Variants in FTCDNL1 observed in about 807,000 individuals in gnomAD.
FTCDNL1 encodes the protein formiminotransferase N-terminal subdomain-containing protein.
FTCDNL1 carries 11 observed loss-of-function variants against 5.9 expected under a neutral mutation model. The observed-to-expected ratio is 1.87, with a 90% CI of 1.18 to 3.10. The LOEUF (loss-of-function observed/expected upper bound fraction) is 3.10, where lower values mean the gene tolerates loss of function less well. Among genes scored for constraint, FTCDNL1 ranks in the 30% most tolerant of loss-of-function variants. The pLI, the probability that FTCDNL1 is intolerant of heterozygous loss-of-function variation, is 0.00. For synonymous variants in FTCDNL1, 58 were observed against 24.8 expected (o/e 2.34, Z -3.99); for missense variants, 115 against 65.5 (o/e 1.76, Z -2.61).
the FTCDNL1 span, among the ~76,000 whole-genome samples, chr2:199,712,641 C>T: frequency 6.6e-6 from 1 of 152,196 alleles, no homozygotes; most frequent in Non-Finnish European, 1.5e-5. Flanking sequence ...AGAAGCCTTA[C>T]ATCAAGGGGG....
the FTCDNL1 span, among the ~76,000 whole-genome samples, chr2:199,676,606 A>G: frequency 2.0e-5 from 3 of 152,022 alleles, no homozygotes; most frequent in African/African-American, 7.2e-5. Flanking sequence ...CACAAAAAAT[A>G]AAATTGATGA....
chr2:199,769,068 C>T (rs1698678102), intron 3 of FTCDNL1, among the ~76,000 whole-genome samples: 1 of 152,174 alleles, frequency 6.6e-6, no homozygotes, highest in Non-Finnish European at 1.5e-5. Flanking sequence ...TTGCAAGACT[C>T]TACCAAGAGA....
intron 3 of FTCDNL1, among the ~76,000 whole-genome samples, chr2:199,771,753 A>G (rs2106289542): frequency 6.6e-6 from 1 of 152,290 alleles, no homozygotes; most frequent in Non-Finnish European, 1.5e-5. Flanking sequence ...TCTTGTAGAG[A>G]ACTGGCGTTG....
At chr2:199,721,332 C>T in the FTCDNL1 span, among the ~76,000 whole-genome samples, 1 of 152,146 alleles carries the variant, frequency 6.6e-6, no homozygotes, top group Non-Finnish European at 1.5e-5. Flanking sequence ...CATGTAGTCT[C>T]ATTATTCAGC....
chr2:199,698,904 A>G, the FTCDNL1 span, among the ~76,000 whole-genome samples: 1 of 152,182 alleles, frequency 6.6e-6, no homozygotes, highest in Non-Finnish European at 1.5e-5. Context: ...AGATGATCCA[A>G]ATAAACACAA....
intron 3 of FTCDNL1, among the ~76,000 whole-genome samples, chr2:199,827,349 G>A (rs1396803824): frequency 1.3e-5 from 2 of 152,122 alleles, no homozygotes; most frequent in African/African-American, 4.8e-5. Context: ...CAGGGAGACT[G>A]GTGTAGATCA....
intron 3 of FTCDNL1, among the ~76,000 whole-genome samples, chr2:199,783,390 C>T (rs556053596): frequency 1.3e-5 from 2 of 152,248 alleles, no homozygotes; most frequent in East Asian, 3.9e-4. Flanking sequence ...TTTAATGACA[C>T]CAATGTTAAT....
rs531650944 is a variant in FTCDNL1, at chr2:199,792,545, C to T, written c.212-31710G>A. On this transcript the variant is annotated intron_variant, in intron 3 of 3. Coordinates refer to the FTCDNL1 transcript ENST00000416668. ...GGCAAAACCAAATTTCTGTACCTTT[C>T]GTGCCTGACTACATACATGCCTACC... Among the ~76,000 whole-genome samples, 19 of 152,280 alleles carry T rather than the reference C, an allele frequency of 1.2e-4. No homozygotes were observed. The East Asian group carries it at 3.1e-3, about 25-fold the overall frequency.
intron 3 of FTCDNL1, among the ~76,000 whole-genome samples, chr2:199,802,742 G>C (rs963766403): frequency 3.3e-5 from 5 of 152,138 alleles, no homozygotes; most frequent in Admixed American, 3.3e-4. Context: ...GAAATCTGGC[G>C]ATGTGCAGTT....
intron 3 of FTCDNL1, among the ~76,000 whole-genome samples, chr2:199,842,502 G>A (rs1222024738): frequency 6.6e-6 from 1 of 152,104 alleles, no homozygotes; most frequent in African/African-American, 2.4e-5. Context: ...AATTATGTGT[G>A]AGTGTATGTC....
chr2:199,760,897 C>T, intron 3 of FTCDNL1: 1 of 701,628 alleles, frequency 1.4e-6, no homozygotes, highest in Non-Finnish European at 2.6e-6. Context: ...GGCCTTACCC[C>T]TCTCCACTCA....
the FTCDNL1 span, among the ~76,000 whole-genome samples, chr2:199,721,362 C>G: frequency 6.6e-6 from 1 of 152,190 alleles, no homozygotes; most frequent in African/African-American, 2.4e-5. Context: ...TGGTTGAGAA[C>G]ATGCAGTGTT....
At chr2:199,836,742 G>A (rs1358229267) in intron 3 of FTCDNL1, among the ~76,000 whole-genome samples, 1 of 152,122 alleles carries the variant, frequency 6.6e-6, no homozygotes, top group Non-Finnish European at 1.5e-5. Flanking sequence ...CTCAGCCTGG[G>A]TGACAAAGCA....
chr2:199,798,808 CATGATCCCACAGCCAAAT>C (rs1700299242), intron 3 of FTCDNL1, among the ~76,000 whole-genome samples: 1 of 152,232 alleles, frequency 6.6e-6, no homozygotes, highest in South Asian at 2.1e-4. Context: ...CTCAACCATA[CATGATCCCACAGCCAAAT>C]AAGTCAATAG....
At chr2:199,775,145 T>C (rs1479604767) in intron 3 of FTCDNL1, among the ~76,000 whole-genome samples, 2 of 152,186 alleles carry the variant, frequency 1.3e-5, no homozygotes, top group Admixed American at 6.5e-5. Flanking sequence ...ATCACATTCA[T>C]TGTCTGCGTT....
intron 3 of FTCDNL1, among the ~76,000 whole-genome samples, chr2:199,820,662 T>A (rs1027263457): frequency 2.0e-5 from 3 of 152,194 alleles, no homozygotes. Flanking sequence ...TTACTCTAAA[T>A]GATAGAACAT....
intron 3 of FTCDNL1, among the ~76,000 whole-genome samples, chr2:199,819,994 A>G (rs1354138776): frequency 6.6e-6 from 1 of 152,246 alleles, no homozygotes; most frequent in Non-Finnish European, 1.5e-5. Flanking sequence ...TGAATGCTCC[A>G]TTGAAGTTAG....
chr2:199,687,580 A>G, the FTCDNL1 span, among the ~76,000 whole-genome samples: 7 of 152,178 alleles, frequency 4.6e-5, no homozygotes, highest in African/African-American at 1.7e-4. Context: ...AAGTCTTTGC[A>G]CCTGGAGGTA....
intron 3 of FTCDNL1, among the ~76,000 whole-genome samples, chr2:199,773,651 C>T (rs1163040504): frequency 1.3e-5 from 2 of 152,210 alleles, no homozygotes; most frequent in African/African-American, 4.8e-5. Flanking sequence ...GACACCTGCA[C>T]TTAGCCTCCT....
Sources: allele counts gnomAD v4.1 joint callset (sites outside exome capture counted in the v4.1 genomes callset), GRCh38; gene constraint gnomAD v4.1.1; transcripts MANE v1.5; gene names NCBI Gene and HGNC (gene_info 2026-07-23, HGNC 2026-07-21).